PEBP4: variants seen among roughly 807,000 people sequenced by gnomAD.
PEBP4 encodes phosphatidylethanolamine-binding protein 4.
A neutral mutation model predicts 23.9 loss-of-function variants in PEBP4; 22 were observed. That is an observed-to-expected ratio of 0.92 (90% CI 0.66 to 1.31). The LOEUF is 1.31. Ranked by LOEUF, PEBP4 falls within the 40% of genes most tolerant of loss-of-function variation. PEBP4 has a pLI of 0.00. For missense variants in PEBP4, 324 were observed against 281.7 expected (o/e 1.15, Z -1.07); for synonymous variants, 112 against 99.3 (o/e 1.13, Z -0.76).
chr8:22,816,938 T>A (rs1806754395), intron 4 of PEBP4, among the ~76,000 whole-genome samples: 2 of 152,176 alleles, frequency 1.3e-5, no homozygotes, highest in African/African-American at 4.8e-5. Context: ...CCAAAAGCCC[T>A]TGAGTGAGAA....
At chr8:22,904,780 C>A (rs1050524582) in intron 3 of PEBP4, among the ~76,000 whole-genome samples, 19 of 152,154 alleles carry the variant, frequency 1.2e-4, no homozygotes, top group African/African-American at 4.3e-4. Flanking sequence ...ATTGTGAGAT[C>A]TTCCAACAGC....
intron 3 of PEBP4, among the ~76,000 whole-genome samples, chr8:22,899,918 C>T (rs1808677894): frequency 6.6e-6 from 1 of 152,120 alleles, no homozygotes; most frequent in Non-Finnish European, 1.5e-5. Flanking sequence ...TAACCCTTCT[C>T]ACCCGCAGTC....
intron 3 of PEBP4, among the ~76,000 whole-genome samples, chr8:22,855,581 G>T (rs1807629676): frequency 6.6e-6 from 1 of 152,124 alleles, no homozygotes; most frequent in African/African-American, 2.4e-5. Flanking sequence ...AAAATTGCTG[G>T]AAGTATTATG....
upstream of PEBP4, among the ~76,000 whole-genome samples, chr8:22,932,542 C>A (rs971177361): frequency 6.6e-6 from 1 of 151,544 alleles, no homozygotes; most frequent in Non-Finnish European, 1.5e-5. Flanking sequence ...CACACACACA[C>A]CCCCAGAGAG....
At chr8:22,776,459 T>A (rs1233454495) in intron 4 of PEBP4, among the ~76,000 whole-genome samples, 2 of 151,930 alleles carry the variant, frequency 1.3e-5, no homozygotes, top group African/African-American at 2.4e-5. Flanking sequence ...GTGTTGATGG[T>A]TGCAGGGTCT....
chr8:22,792,510 C>A (rs150066444), intron 4 of PEBP4, among the ~76,000 whole-genome samples: 1 of 152,072 alleles, frequency 6.6e-6, no homozygotes, highest in Non-Finnish European at 1.5e-5. Context: ...ATTTTCAATG[C>A]CTTCCTCTTC....
At chr8:22,740,483 G>T (rs1043979083) in intron 4 of PEBP4, among the ~76,000 whole-genome samples, 1 of 152,148 alleles carries the variant, frequency 6.6e-6, no homozygotes, top group Non-Finnish European at 1.5e-5. Flanking sequence ...AGAACCTGAG[G>T]CGACTTCTAC....
intron 3 of PEBP4, 88 bp downstream of exon 3, chr8:22,920,096 C>T: frequency 6.5e-7 from 1 of 1,526,740 alleles, no homozygotes; most frequent in Non-Finnish European, 8.9e-7. Context: ...GCTCTGCACG[C>T]AGCTTCAAGT....
chr8:22,713,636 C>T, intron 6 of PEBP4, 100 bp from the exon 7 acceptor site: 1 of 1,537,390 alleles, frequency 6.5e-7, no homozygotes, highest in Non-Finnish European at 8.9e-7. Flanking sequence ...GGAGCCGAGG[C>T]AGCAGGTGAT....
intron 3 of PEBP4, among the ~76,000 whole-genome samples, chr8:22,836,698 T>G (rs1807211842): frequency 6.6e-6 from 1 of 152,218 alleles, no homozygotes. Flanking sequence ...CCTCAAAGTC[T>G]GTGCTGTGCT....
intron 3 of PEBP4, among the ~76,000 whole-genome samples, chr8:22,827,143 C>T (rs1352051784): frequency 6.6e-6 from 1 of 152,132 alleles, no homozygotes; most frequent in Non-Finnish European, 1.5e-5. Context: ...GCCACATTAA[C>T]AAATCACAAT....
intron 1 of PEBP4, among the ~76,000 whole-genome samples, chr8:22,937,093 C>T (rs1809551358): frequency 6.6e-6 from 1 of 152,006 alleles, no homozygotes; most frequent in Non-Finnish European, 1.5e-5. Flanking sequence ...AAGTTCTAGC[C>T]AGAGCAATTA....
intron 6 of PEBP4, among the ~76,000 whole-genome samples, chr8:22,723,253 T>C (rs1369820397): frequency 6.6e-6 from 1 of 152,054 alleles, no homozygotes; most frequent in Non-Finnish European, 1.5e-5. Flanking sequence ...GAGGGGTGGG[T>C]CAGGCCTCTG....
chr8:22,858,846 C>A (rs1037916272), intron 3 of PEBP4, among the ~76,000 whole-genome samples: 2 of 152,178 alleles, frequency 1.3e-5, no homozygotes, highest in African/African-American at 4.8e-5. Context: ...ATTTGGGAGG[C>A]TGAGGCAGGA....
chr8:22,929,343 G>C (rs1015798039), upstream of PEBP4, among the ~76,000 whole-genome samples: 1 of 152,192 alleles, frequency 6.6e-6, no homozygotes. Context: ...CTGCCAGAAG[G>C]GCTGCCCAAG....
chr8:22,824,082 T>G (rs1009994321), intron 3 of PEBP4, among the ~76,000 whole-genome samples: 1 of 152,192 alleles, frequency 6.6e-6, no homozygotes, highest in Non-Finnish European at 1.5e-5. Flanking sequence ...AACCACATAT[T>G]GTACACATGT....
chr8:22,796,784 A>G (rs1806268677), intron 4 of PEBP4, among the ~76,000 whole-genome samples: 1 of 152,068 alleles, frequency 6.6e-6, no homozygotes, highest in African/African-American at 2.4e-5. Context: ...GACACTGTAG[A>G]CTCTAATAGG....
intron 2 of PEBP4, among the ~76,000 whole-genome samples, chr8:22,926,970 T>G (rs1809349925): frequency 6.6e-6 from 1 of 152,106 alleles, no homozygotes; most frequent in African/African-American, 2.4e-5. Context: ...AATGAAGGCT[T>G]GCTTTTCTAA....
chr8:22,745,522 C>A (rs560296386), intron 4 of PEBP4: 1 of 152,308 alleles, frequency 6.6e-6, no homozygotes, highest in South Asian at 2.1e-4. Context: ...CATGGATGAT[C>A]TCAGTCTCAA....
Sources: allele counts gnomAD v4.1 joint callset (sites outside exome capture counted in the v4.1 genomes callset), GRCh38; gene constraint gnomAD v4.1.1; transcripts MANE v1.5; gene names NCBI Gene and HGNC (gene_info 2026-07-23, HGNC 2026-07-21).